The following SCAMP2 variants were observed in gnomAD, a reference collection of about 807,000 sequenced individuals.
The protein encoded by SCAMP2 is secretory carrier membrane protein 2.
SCAMP2 carries 25 observed loss-of-function variants against 44.1 expected under a neutral mutation model. The ratio of observed to expected loss-of-function variants is 0.57; its 90% confidence interval spans 0.41 to 0.79. The LOEUF is 0.79. Among genes scored for constraint, SCAMP2 ranks in the 30% least tolerant of loss-of-function variants. The pLI is 0.00. For missense variants in SCAMP2, 355 were observed against 411.0 expected, an observed-to-expected ratio of 0.86 and a Z score of 1.18; for synonymous variants, 156 against 166.0, an observed-to-expected ratio of 0.94 and a Z score of 0.46.
chr15:74,861,878 G>T (rs1422862300), intron 1 of SCAMP2, among the ~76,000 whole-genome samples: 1 of 137,770 alleles, frequency 7.3e-6, no homozygotes, highest in East Asian at 2.1e-4. Context: ...TCCAGCCTGG[G>T]CAACAGAGCA....
At chr15:74,855,716 CAAAAAAA>C (rs10609131) in intron 1 of SCAMP2, among the ~76,000 whole-genome samples, 1 of 84,108 alleles carries the variant, frequency 1.2e-5, no homozygotes. Context: ...AACTCCATCT[CAAAAAAA>C]AAAAAAAAAA....
In SCAMP2 at chr15:74,844,626, G is replaced by C. The variant is rs995409487; in HGVS notation, c.*457C>G. On this transcript the variant is annotated 3_prime_UTR_variant, in exon 9 of 9. Coordinates refer to ENST00000268099, the MANE Select transcript of SCAMP2 (RefSeq NM_005697.5). The stretch of plus-strand genomic sequence containing the variant: ...ATCTGTCCACCAGAACCTGTGAGAG[G>C]CTTATTCCCAGCCCAGGCAGGAAGG... 6.4e-6 allele frequency: 1 copy of C among 157,262 alleles called. No homozygotes were observed. The highest frequency in any genetic ancestry group is 2.4e-5 in the African/African-American group (1 of 41,472). 9.7% of individuals were successfully genotyped at this position (157,262 alleles called of 1,614,324 possible). A position where few individuals can be genotyped will look rare whatever the true frequency, so the allele number is the denominator to read the frequency against.
Position 74,854,656 on chromosome 15 carries a change from A to T in SCAMP2, c.58-7T>A. The T allele has an allele frequency of 6.2e-7, 1 of 1,606,380 alleles. No homozygotes were observed. Among genetic ancestry groups the T allele is most frequent in the Non-Finnish European group, 8.5e-7 (1 of 1,176,464 alleles). On this transcript the variant is annotated splice_polypyrimidine_tract_variant and splice_region_variant and intron_variant, in intron 1 of 8. Transcript: ENST00000268099. ...GCTGGGTCACAGAGGGATCCTGAGA[A>T]GGTGAAAAAAAGCCCTTAGACACAG...
At chr15:74,849,518 T>C (rs950588631) in intron 6 of SCAMP2, among the ~76,000 whole-genome samples, 11 of 151,522 alleles carry the variant, frequency 7.3e-5, no homozygotes, top group Non-Finnish European at 1.2e-4. Context: ...CCGAGACAGG[T>C]GGATCACTTG....
intron 1 of SCAMP2, among the ~76,000 whole-genome samples, chr15:74,862,341 C>A (rs2064512321): frequency 1.4e-5 from 2 of 145,140 alleles, no homozygotes; most frequent in Non-Finnish European, 3.0e-5. Flanking sequence ...CTTTGGGAGG[C>A]CAAGGTGGGC....
chr15:74,860,138 C>T (rs1036479423), intron 1 of SCAMP2, among the ~76,000 whole-genome samples: 20 of 152,096 alleles, frequency 1.3e-4, no homozygotes, highest in Admixed American at 9.8e-4. Context: ...AGGCCTGGCG[C>T]GGTGGCTCAG....
At chr15:74,851,791 G>A (rs1263825679) in intron 4 of SCAMP2, 2 of 451,704 alleles carry the variant, frequency 4.4e-6, no homozygotes, top group Non-Finnish European at 7.8e-6. Context: ...ATCATCATTA[G>A]CAAGGAATTG....
At chr15:74,845,906 C>G (rs1358709537) in intron 7 of SCAMP2, among the ~76,000 whole-genome samples, 1 of 152,194 alleles carries the variant, frequency 6.6e-6, no homozygotes, top group African/African-American at 2.4e-5. Flanking sequence ...ACCTGTAATC[C>G]CAGCACTTTG....
chr15:74,857,360 C>G (rs577916347), intron 1 of SCAMP2, among the ~76,000 whole-genome samples: 77 of 152,222 alleles, frequency 5.1e-4, no homozygotes, highest in Non-Finnish European at 6.2e-4. Flanking sequence ...TATTTCATGC[C>G]TGAATGACCA....
At chr15:74,851,284 G>T (rs750959663) in intron 5 of SCAMP2, 69 bp downstream of exon 5, 2 of 1,565,764 alleles carry the variant, frequency 1.3e-6, no homozygotes, top group East Asian at 2.3e-5. Flanking sequence ...GGAGCAGCCA[G>T]GACCAAGATG....
chr15:74,857,168 C>T (rs1345418813), intron 1 of SCAMP2, among the ~76,000 whole-genome samples: 2 of 152,210 alleles, frequency 1.3e-5, no homozygotes, highest in Non-Finnish European at 2.9e-5. Context: ...ACAGCCAGAA[C>T]TCACTGTGTC....
chr15:74,855,415 T>C (rs1362102219), intron 1 of SCAMP2, among the ~76,000 whole-genome samples: 1 of 152,100 alleles, frequency 6.6e-6, no homozygotes, highest in Non-Finnish European at 1.5e-5. Flanking sequence ...CCTCTTATTT[T>C]GTAAAAGACA....
rs34231883 is a variant in SCAMP2 at position 74,847,086 on chromosome 15, A to ATTTTTTTTTTTTTTTTTTTTTTT, written c.734+1491_735-1494dup. ...AAACCCATACACCTATTGTCAGTTAATTTTTTTTTTTTTTTTTTTTTTTGA... is the reference window on the plus strand; with the variant it reads ...AAACCCATACACCTATTGTCAGTTAATTTTTTTTTTTTTTTTTTTTTTTTTTTTTTTTTTTTTTTTTTTTTTGA... On this transcript the variant is annotated intron_variant, in intron 7 of 8. Transcript: ENST00000268099. Among the ~76,000 whole-genome samples the ATTTTTTTTTTTTTTTTTTTTTTT allele has an allele frequency of 5.5e-5, 6 of 109,280 alleles. 2 individuals are homozygous for ATTTTTTTTTTTTTTTTTTTTTTT. Among genetic ancestry groups the ATTTTTTTTTTTTTTTTTTTTTTT allele is most frequent in the Non-Finnish European group, 7.1e-5 (4 of 56,228 alleles). 71.7% of individuals were successfully genotyped at this position (109,280 alleles called of 152,430 possible). A position where few individuals can be genotyped will look rare whatever the true frequency, so the allele number is the denominator to read the frequency against.
At position 74,872,028 on chromosome 15, in the gene SCAMP2, G is replaced by C. The variant is rs530244589; in HGVS notation, c.57+1171C>G. The stretch of plus-strand genomic sequence containing the variant: ...CTACTGCACTCCAGCCTGGGCGACA[G>C]AGCAAGAATTGTCTCAAAAAACAAA... On this transcript the variant is annotated intron_variant, in intron 1 of 8. Transcript: ENST00000268099. 5.3e-5 allele frequency among the ~76,000 whole-genome samples: 8 copies of C among 150,514 alleles called. No homozygotes were observed. The East Asian group carries it at 1.6e-3, about 30-fold the overall frequency.
chr15:74,848,865 C>A (rs1174940975), intron 6 of SCAMP2, among the ~76,000 whole-genome samples, 164 bp from the exon 7 acceptor site: 1 of 152,066 alleles, frequency 6.6e-6, no homozygotes, highest in Non-Finnish European at 1.5e-5. Context: ...CGCACACACC[C>A]CCCACCATAA....
intron 7 of SCAMP2, among the ~76,000 whole-genome samples, chr15:74,846,446 CA>C (rs35643920): frequency 0.08 from 8,702 of 109,370 alleles, 635 homozygotes; most frequent in African/African-American, 0.29. Context: ...ACCCTGTCTC[CA>C]AAAAAAAAAA....
At chr15:74,861,636 C>T (rs540183962) in intron 1 of SCAMP2, among the ~76,000 whole-genome samples, 24 of 152,274 alleles carry the variant, frequency 1.6e-4, no homozygotes, top group African/African-American at 5.3e-4. Flanking sequence ...TGGTGGCTCA[C>T]GCCTATAATC....
chr15:74,865,254 G>A (rs1288697370), intron 1 of SCAMP2, among the ~76,000 whole-genome samples: 5 of 151,278 alleles, frequency 3.3e-5, no homozygotes, highest in African/African-American at 4.9e-5. Flanking sequence ...GGTGGCATGC[G>A]CCTGTAGTCC....
chr15:74,863,619 G>C (rs927151362), intron 1 of SCAMP2, among the ~76,000 whole-genome samples: 8 of 152,034 alleles, frequency 5.3e-5, no homozygotes, highest in Admixed American at 5.2e-4. Context: ...TCACCTGGCC[G>C]GGCATTCAAG....
Sources: gnomAD v4.1 joint callset for allele counts (sites outside exome capture counted in the v4.1 genomes callset) on GRCh38, gnomAD v4.1.1 for gene constraint, MANE v1.5 for transcripts, NCBI Gene and HGNC (gene_info 2026-07-23, HGNC 2026-07-21) for gene names.